TRPM8: variants seen among roughly 807,000 people sequenced by gnomAD.
TRPM8 encodes TRPM8 cationic channel.
A neutral mutation model predicts 133.7 loss-of-function variants in TRPM8; 110 were observed. The observed-to-expected ratio is 0.82, with a 90% confidence interval of 0.70 to 0.96. The LOEUF (loss-of-function observed/expected upper bound fraction) is 0.96, where lower values mean the gene tolerates loss of function less well. Ranked by LOEUF, TRPM8 falls within the 40% of genes least tolerant of loss-of-function variation. The probability of loss-of-function intolerance (pLI) is 0.00; values close to 1 mark genes in which losing one functional copy is unlikely to be tolerated. For missense variants in TRPM8, 1,291 were observed against 1,379.5 expected (o/e 0.94, Z 1.02); for synonymous variants, 535 against 532.3 (o/e 1.01, Z -0.07).
chr2:233,939,515 T>C (rs556487014), intron 5 of TRPM8, among the ~76,000 whole-genome samples: 1 of 152,336 alleles, frequency 6.6e-6, no homozygotes, highest in Non-Finnish European at 1.5e-5. Flanking sequence ...TGTAATTCGC[T>C]TGTTCTGTAA....
chr2:233,974,871 GAGAGAGAGAGAGAGAC>G lies in TRPM8; in HGVS notation c.2355+4460_2355+4475del, dbSNP rs916615640. ...AATGAGTCATGAGCACAAATTAGCA[GAGAGAGAGAGAGAGAC>G]AGAGAGAGAGAGAGGCAGAGGAGAG... On this transcript the variant is annotated intron_variant, in intron 17 of 25. Coordinates refer to ENST00000324695, the MANE Select transcript of TRPM8 (RefSeq NM_024080.5). Among the ~76,000 whole-genome samples the G allele has an allele frequency of 1.4e-4, 21 of 147,260 alleles. No individual in the cohort carries two copies. In the South Asian group the frequency reaches 2.1e-3, roughly 15 times the overall value.
chr2:234,000,086 G>GATTATTT (rs10659716), intron 22 of TRPM8, among the ~76,000 whole-genome samples: 3 of 144,166 alleles, frequency 2.1e-5, no homozygotes, highest in South Asian at 4.6e-4. Flanking sequence ...CAATGTGGAT[G>GATTATTT]ATTTATTTAT....
At chr2:233,966,578 A>G (rs1414961618) in intron 14 of TRPM8, 32 bp from the exon 15 acceptor site, 1 of 1,613,284 alleles carries the variant, frequency 6.2e-7, no homozygotes, top group Admixed American at 1.7e-5. Flanking sequence ...CAGCTCTTAC[A>G]CCAGCTTCTC....
intron 20 of TRPM8, among the ~76,000 whole-genome samples, chr2:233,985,388 G>T (rs1410359152): frequency 1.3e-5 from 2 of 152,214 alleles, no homozygotes; most frequent in Non-Finnish European, 2.9e-5. Context: ...AATGTGTGTG[G>T]TTGATTATCT....
At chr2:233,994,907 G>A (rs1692366314) in intron 21 of TRPM8, among the ~76,000 whole-genome samples, 1 of 152,200 alleles carries the variant, frequency 6.6e-6, no homozygotes, top group Admixed American at 6.5e-5. Context: ...CAATAAAAAT[G>A]TCTTGGATGG....
Position 233,989,131 on chromosome 2 carries a change from T to G in TRPM8, c.2939+3266T>G, listed in dbSNP as rs760550214. On this transcript the variant is annotated intron_variant, in intron 21 of 25. Coordinates refer to ENST00000324695, the MANE Select transcript of TRPM8 (RefSeq NM_024080.5). This position sits in a 1 kb window ranked among gnomAD's most constrained non-coding sequence, Gnocchi z 4.2. ...AAAATATTTAGAGCTTTTTTGAATC[T>G]ATGCACATGAGCTGTCTGAAGGAGC... 3.9e-5 allele frequency among the ~76,000 whole-genome samples: 6 copies of G among 152,178 alleles called. No homozygotes were observed. Among genetic ancestry groups the G allele is most frequent in the Non-Finnish European group, 8.8e-5 (6 of 68,030 alleles).
intron 17 of TRPM8, among the ~76,000 whole-genome samples, chr2:233,975,301 G>A (rs900485547): frequency 6.6e-6 from 1 of 152,164 alleles, no homozygotes; most frequent in Non-Finnish European, 1.5e-5. Flanking sequence ...TGTGTGCCCT[G>A]GAGTGGCCAT....
chr2:233,997,166 C>A (rs548914971), intron 22 of TRPM8, among the ~76,000 whole-genome samples: 2 of 151,832 alleles, frequency 1.3e-5, no homozygotes, highest in African/African-American at 2.4e-5. Context: ...CCCAGCTACT[C>A]GGGAGGCTGA....
chr2:233,966,245 G>C (rs370678222), intron 14 of TRPM8: 1 of 191,006 alleles, frequency 5.2e-6, no homozygotes, highest in Non-Finnish European at 1.1e-5. Flanking sequence ...TTACGGGGGG[G>C]TCGGGGGGCG....
At chr2:233,961,133 C>G in intron 12 of TRPM8, 67 bp downstream of exon 12, 1 of 1,478,034 alleles carries the variant, frequency 6.8e-7, no homozygotes, top group Non-Finnish European at 9.2e-7. Context: ...TAAGATATCT[C>G]CATTTTCCCT....
chr2:233,926,701 C>T (rs201632839), intron 2 of TRPM8, 47 bp downstream of exon 2: 51 of 1,414,394 alleles, frequency 3.6e-5, no homozygotes, highest in South Asian at 4.6e-5. Context: ...TTGTAACCTT[C>T]GTAAGCCGTC....
intron 17 of TRPM8, among the ~76,000 whole-genome samples, chr2:233,978,780 T>C (rs959061001): frequency 6.6e-6 from 1 of 152,224 alleles, no homozygotes; most frequent in African/African-American, 2.4e-5. Flanking sequence ...GACTGGACTG[T>C]TGACACACCC....
At chr2:233,967,107 G>A (rs1415760132) in intron 15 of TRPM8, among the ~76,000 whole-genome samples, 1 of 152,220 alleles carries the variant, frequency 6.6e-6, no homozygotes, top group African/African-American at 2.4e-5. Flanking sequence ...CCGAGTATTA[G>A]TTTCCTCATC....
intron 2 of TRPM8, among the ~76,000 whole-genome samples, chr2:233,929,977 G>C (rs1331269657): frequency 6.6e-6 from 1 of 152,080 alleles, no homozygotes; most frequent in African/African-American, 2.4e-5. Flanking sequence ...GCTTACTCTT[G>C]TCTTTGGCCA....
At chr2:233,975,729 A>C (rs1691854720) in intron 17 of TRPM8, among the ~76,000 whole-genome samples, 1 of 152,212 alleles carries the variant, frequency 6.6e-6, no homozygotes, top group Admixed American at 6.5e-5. Context: ...AAAAAGTACA[A>C]AAATTAGCCG....
At chr2:234,006,570 C>T (rs371678161) in intron 22 of TRPM8, among the ~76,000 whole-genome samples, 6 of 152,076 alleles carry the variant, frequency 3.9e-5, no homozygotes, top group Non-Finnish European at 5.9e-5. Context: ...AATGATTTTG[C>T]GAAGTCACAA....
intron 21 of TRPM8, among the ~76,000 whole-genome samples, chr2:233,987,731 A>G (rs918032423): frequency 2.6e-5 from 4 of 152,182 alleles, no homozygotes; most frequent in Non-Finnish European, 5.9e-5. Flanking sequence ...AATTCCCTCA[A>G]GTTGTGGGAG....
At chr2:233,978,690 C>T (rs561264665) in intron 17 of TRPM8, among the ~76,000 whole-genome samples, 1 of 152,230 alleles carries the variant, frequency 6.6e-6, no homozygotes, top group South Asian at 2.1e-4. Flanking sequence ...CTAGATTATG[C>T]TTTTCCCTGC....
intron 14 of TRPM8, 115 bp from the exon 15 acceptor site, chr2:233,966,495 T>C (rs10490016): frequency 0.051 from 65,124 of 1,274,650 alleles, 1,835 homozygotes; most frequent in East Asian, 0.076. Flanking sequence ...TTTGTAAGAA[T>C]GGACTCACGC....
Sources: gnomAD v4.1 joint callset for allele counts (sites outside exome capture counted in the v4.1 genomes callset) on GRCh38, gnomAD v4.1.1 for gene constraint, Gnocchi (gnomAD v3.1) non-coding constraint, MANE v1.5 for transcripts, NCBI Gene and HGNC (gene_info 2026-07-23, HGNC 2026-07-21) for gene names.